Variants in MRPL1 observed in about 807,000 individuals in gnomAD.
MRPL1 encodes the protein large ribosomal subunit protein uL1m.
Under a neutral mutation model 38.0 loss-of-function variants are expected in MRPL1, and 28 were observed. That is an observed-to-expected ratio of 0.74 (90% CI 0.55 to 1.01). The LOEUF is 1.01. MRPL1 is among the 50% of genes least tolerant of loss of function. The probability of loss-of-function intolerance (pLI) is 0.00; values close to 1 mark genes in which losing one functional copy is unlikely to be tolerated. For missense variants in MRPL1, 358 were observed against 389.8 expected, an observed-to-expected ratio of 0.92 and a Z score of 0.69; for synonymous variants, 123 against 126.7, an observed-to-expected ratio of 0.97 and a Z score of 0.20.
At chr4:77,876,261 C>T (rs1001810826) in intron 2 of MRPL1, among the ~76,000 whole-genome samples, 103 of 152,344 alleles carry the variant, frequency 6.8e-4, no homozygotes, top group African/African-American at 2.5e-3. Flanking sequence ...GTGTGAGCCA[C>T]CATGCCCAGC....
rs560756967 is a variant in MRPL1 at position 77,895,242 on chromosome 4, T to C, written c.670+992T>C. ...CTAGAGACAGGGAAACCAGTTCAGG[T>C]ACAATGGCAAGAGACTAATAAATGT... On this transcript the variant is annotated intron_variant, in intron 6 of 8. Transcript: ENST00000315567. 4.4e-4 allele frequency among the ~76,000 whole-genome samples: 67 copies of C among 152,256 alleles called. No individual in the cohort carries two copies. In the South Asian group the frequency reaches 0.013, roughly 31 times the overall value.
At chr4:77,951,321 A>G (rs1737403173) in intron 8 of MRPL1, among the ~76,000 whole-genome samples, 1 of 152,250 alleles carries the variant, frequency 6.6e-6, no homozygotes, top group East Asian at 1.9e-4. Context: ...CATCAAATGT[A>G]AATATCACCA....
chr4:77,886,590 C>T (rs1735681074), intron 4 of MRPL1, among the ~76,000 whole-genome samples: 1 of 152,020 alleles, frequency 6.6e-6, no homozygotes. Context: ...GCCTTGGCCT[C>T]TCAAAGTGCT....
intron 7 of MRPL1, among the ~76,000 whole-genome samples, chr4:77,944,811 A>G (rs1181055906): frequency 6.6e-6 from 1 of 152,152 alleles, no homozygotes; most frequent in African/African-American, 2.4e-5. Flanking sequence ...TGTTTCTCAG[A>G]CAACTGATAC....
intron 7 of MRPL1, among the ~76,000 whole-genome samples, chr4:77,925,447 G>A (rs1382840296): frequency 6.6e-6 from 1 of 151,296 alleles, no homozygotes; most frequent in Non-Finnish European, 1.5e-5. Context: ...CACCTCCCGG[G>A]TTCACACCGT....
intron 5 of MRPL1, among the ~76,000 whole-genome samples, chr4:77,887,710 G>T (rs979063517): frequency 5.3e-5 from 8 of 151,952 alleles, no homozygotes; most frequent in African/African-American, 1.9e-4. Context: ...GTAGAGATAG[G>T]GTTCTTGTTT....
intron 4 of MRPL1, among the ~76,000 whole-genome samples, chr4:77,886,431 T>C (rs918180797): frequency 1.3e-5 from 2 of 151,754 alleles, no homozygotes; most frequent in Admixed American, 1.3e-4. Context: ...GCCTCCTGGG[T>C]TCAAGTGATT....
At chr4:77,872,706 T>G (rs1735310491) in intron 2 of MRPL1, among the ~76,000 whole-genome samples, 1 of 152,034 alleles carries the variant, frequency 6.6e-6, no homozygotes. Context: ...CTGCTGAAAC[T>G]ACAAAAATTG....
At chr4:77,916,683 C>T (rs1321697907) in intron 7 of MRPL1, among the ~76,000 whole-genome samples, 1 of 152,056 alleles carries the variant, frequency 6.6e-6, no homozygotes, top group Non-Finnish European at 1.5e-5. Context: ...CTTTTTAAGG[C>T]CTGCATAGAG....
At chr4:77,895,398 G>GT (rs139997291) in intron 6 of MRPL1, among the ~76,000 whole-genome samples, 4,749 of 152,104 alleles carry the variant, frequency 0.031, 248 homozygotes, top group African/African-American at 0.11. Flanking sequence ...TGATACTGAG[G>GT]TTTTTTAAGT....
intron 7 of MRPL1, among the ~76,000 whole-genome samples, chr4:77,921,507 A>C (rs1736577313): frequency 6.6e-6 from 1 of 152,162 alleles, no homozygotes; most frequent in South Asian, 2.1e-4. Flanking sequence ...AGGAGGCAGC[A>C]AGTACAAAGG....
At chr4:77,936,160 A>G (rs1349046168) in intron 7 of MRPL1, among the ~76,000 whole-genome samples, 1 of 143,262 alleles carries the variant, frequency 7.0e-6, no homozygotes, top group Non-Finnish European at 1.5e-5. Flanking sequence ...CTCTTTCTGT[A>G]TGGACGTATT....
chr4:77,937,548 C>A (rs1287540490), intron 7 of MRPL1, among the ~76,000 whole-genome samples: 1 of 152,170 alleles, frequency 6.6e-6, no homozygotes, highest in Non-Finnish European at 1.5e-5. Flanking sequence ...GGTTTGATTT[C>A]CTTCATATAG....
Position 77,894,149 on chromosome 4 carries a change from A to G in MRPL1, c.569A>G (p.Asp190Gly), listed in dbSNP as rs1735864653. 2 of 1,586,206 alleles carry G rather than the reference A, an allele frequency of 1.3e-6. No homozygotes were observed. The highest frequency in any genetic ancestry group is 2.3e-5 in the East Asian group (1 of 44,380). Residue 190 changes from aspartate to glycine, a missense_variant, in exon 6 of 9, where the codon GAT (aspartate) becomes GGT (glycine). Asp to Gly is a moderately conservative substitution (Grantham distance 94, BLOSUM62 -1). Transcript: ENST00000315567. ...TTTTTTAATTTTCAGATTTGGGATG[A>G]TGAAATTGTTGCAGACTTTTACGTA... Reference protein sequence around the residue: ...GTSLIQKIWDDEIVADFYVAV... With the variant: ...GTSLIQKIWDGEIVADFYVAV...
At chr4:77,950,839 AGC>A in intron 8 of MRPL1, among the ~76,000 whole-genome samples, 1 of 152,154 alleles carries the variant, frequency 6.6e-6, no homozygotes, top group South Asian at 2.1e-4. Context: ...GAAGCCCCTT[AGC>A]ATGTTTAAAT....
At chr4:77,928,846 A>G (rs959901576) in intron 7 of MRPL1, among the ~76,000 whole-genome samples, 7 of 152,138 alleles carry the variant, frequency 4.6e-5, no homozygotes, top group Non-Finnish European at 1.0e-4. Flanking sequence ...CTATATTATC[A>G]CAAAATCAGA....
chr4:77,940,407 CTT>C lies in MRPL1; in HGVS notation c.778-9388_778-9387del, dbSNP rs1434522417. 2.6e-5 allele frequency among the ~76,000 whole-genome samples: 4 copies of C among 152,294 alleles called. No individual in the cohort carries two copies. The East Asian group carries it at 7.7e-4, about 29-fold the overall frequency. On this transcript the variant is annotated intron_variant, in intron 7 of 8. Transcript: ENST00000315567. ...TTTACATTAATGTTGTATCTTGAAACTTTGCTGAATTCATTTATCAGTTATAG... is the reference window on the plus strand; with the variant it reads ...TTTACATTAATGTTGTATCTTGAAACTGCTGAATTCATTTATCAGTTATAG...
chr4:77,864,687 A>G (rs1349889713), intron 1 of MRPL1: 3 of 152,140 alleles, frequency 2.0e-5, no homozygotes, highest in African/African-American at 4.8e-5. Context: ...TGGCTCAGCC[A>G]CCGCGAACAT....
At chr4:77,879,910 G>A (rs1021487223) in intron 2 of MRPL1, among the ~76,000 whole-genome samples, 1 of 152,190 alleles carries the variant, frequency 6.6e-6, no homozygotes, top group East Asian at 1.9e-4. Flanking sequence ...TTGCTCATTA[G>A]CTGGGAGGGT....
Sources: allele counts gnomAD v4.1 joint callset (sites outside exome capture counted in the v4.1 genomes callset), GRCh38; gene constraint gnomAD v4.1.1; transcripts MANE v1.5; gene names NCBI Gene and HGNC (gene_info 2026-07-23, HGNC 2026-07-21).